Variants in ADCY1 observed in about 807,000 individuals in gnomAD.
ADCY1 encodes the protein adenylate cyclase type 1.
A neutral mutation model predicts 105.4 loss-of-function variants in ADCY1; 28 were observed. The ratio of observed to expected loss-of-function variants is 0.27; its 90% CI spans 0.20 to 0.36. The LOEUF is 0.36. Ranked by LOEUF, ADCY1 falls within the 10% of genes least tolerant of loss-of-function variation. The pLI is 1.00. For missense variants in ADCY1, 977 were observed against 1,434.2 expected (o/e 0.68, Z 5.15); for synonymous variants, 655 against 623.8 (o/e 1.05, Z -0.75).
intron 6 of ADCY1, among the ~76,000 whole-genome samples, chr7:45,658,634 G>A (rs1302402328): frequency 6.6e-6 from 1 of 152,200 alleles, no homozygotes; most frequent in Non-Finnish European, 1.5e-5. Flanking sequence ...TCCTCTCCCC[G>A]TTGGCTCCCA....
rs1035222672 is a variant in ADCY1, at chr7:45,657,944, G to T, written c.1307+59G>T. 5.6e-5 allele frequency: 85 copies of T among 1,531,212 alleles called. No homozygotes were observed. In the African/African-American group the frequency reaches 9.4e-4, roughly 17 times the overall value. The allele number at this position is 1,531,212 out of a possible 1,614,324, so 94.9% of individuals were successfully genotyped here. A position where few individuals can be genotyped will look rare whatever the true frequency, so the allele number is the denominator to read the frequency against. The stretch of plus-strand genomic sequence containing the variant: ...GTGGGTGATGGCTGTGCACCCCTGG[G>T]CTAAATCCTTGCTTCAGGTTCTGGG... On this transcript the variant is annotated intron_variant, in intron 6 of 19. Coordinates refer to ENST00000297323, the MANE Select transcript of ADCY1 (RefSeq NM_021116.4).
chr7:45,610,463 C>T lies in ADCY1; in HGVS notation c.874C>T (p.His292Tyr), dbSNP rs1793503165. ...DFLKPPERIF[H>Y]KIYIQRHDNV... ...CCTGAAGCCCCCTGAGAGGATTTTC[C>T]ACAAGATTTACATCCAGAGGCACGA... Residue 292 changes from histidine (H) to tyrosine (Y), a missense_variant, in exon 3 of 20, where the codon CAC becomes TAC. By Grantham distance (83) the His-to-Tyr change is moderately conservative (BLOSUM62 2). Coordinates refer to ENST00000297323, the MANE Select transcript of ADCY1 (RefSeq NM_021116.4). 6.2e-7 allele frequency: 1 copy of T among 1,613,862 alleles called. No homozygotes were observed. The highest frequency in any genetic ancestry group is 8.5e-7 in the Non-Finnish European group (1 of 1,179,984).
chr7:45,656,201 A>G (rs1584308306), intron 5 of ADCY1, among the ~76,000 whole-genome samples: 2 of 151,966 alleles, frequency 1.3e-5, no homozygotes, highest in East Asian at 1.9e-4. Context: ...TACTCGGGAG[A>G]CTGAGGCAGG....
chr7:45,685,937 G>T, intron 12 of ADCY1, 25 bp from the exon 13 acceptor site: 1 of 1,600,142 alleles, frequency 6.2e-7, no homozygotes. Flanking sequence ...CCTTTGCTAA[G>T]CCCCTGTGAC....
rs1234892716 is a variant in ADCY1, at chr7:45,592,813, C to A, written c.694C>A (p.Arg232=). ...TGTGAACATGTATGGGGTCTTTGTG[C>A]GGATTCTGACTGAGCGTTCACAGAG... The part of the protein sequence containing the change: ...VGVNMYGVFV[R]ILTERSQRKA... Residue 232 remains arginine (R), a synonymous_variant, in exon 2 of 20, where the codon CGG becomes AGG. Transcript: ENST00000297323. 1 of 1,614,184 alleles carries A rather than the reference C, an allele frequency of 6.2e-7. No homozygotes were observed. Among genetic ancestry groups the A allele is most frequent in the Non-Finnish European group, 8.5e-7 (1 of 1,180,032 alleles).
Position 45,598,547 on chromosome 7 carries a change from T to C in ADCY1, c.789+5639T>C, listed in dbSNP as rs1308206880. 2.6e-5 allele frequency among the ~76,000 whole-genome samples: 4 copies of C among 152,100 alleles called. No homozygotes were observed. In the East Asian group the frequency reaches 7.7e-4, roughly 29 times the overall value. On this transcript the variant is annotated intron_variant, in intron 2 of 19. Coordinates refer to ENST00000297323, the MANE Select transcript of ADCY1 (RefSeq NM_021116.4). The stretch of plus-strand genomic sequence containing the variant: ...TAAAGCAGGGATTAAAAATAGATAA[T>C]AGGGAAATGCTGAGAATAATTTTAT...
At position 45,575,023 on chromosome 7, in the gene ADCY1, A is replaced by G. The variant is rs892583301; in HGVS notation, c.480A>G (p.Glu160=). The G allele has an allele frequency of 1.9e-6, 3 of 1,612,146 alleles. No homozygotes were observed. The highest frequency in any genetic ancestry group is 2.5e-6 in the Non-Finnish European group (3 of 1,179,668). Reference sequence around the variant, plus strand: ...CCGCTGGGGGGCCAGCGACCGCCGAACAAGGGGTTTGGCAGCTCCTTTTGG... The same window carrying G: ...CCGCTGGGGGGCCAGCGACCGCCGAGCAAGGGGTTTGGCAGCTCCTTTTGG... ...AGAAGGPATA[E]QGVWQLLLVT... is the part of the protein sequence containing the mutation. Residue 160 remains glutamate (E), a synonymous_variant, in exon 1 of 20, where the codon GAA becomes GAG. Transcript: ENST00000297323. This position sits in a 1 kb window ranked among gnomAD's most constrained non-coding sequence, Gnocchi z 4.7.
At chr7:45,670,486 C>G (rs1040445035) in intron 8 of ADCY1, among the ~76,000 whole-genome samples, 4 of 152,118 alleles carry the variant, frequency 2.6e-5, no homozygotes, top group Non-Finnish European at 4.4e-5. Context: ...GGATCCATGT[C>G]CATTAGCACC....
At chr7:45,623,941 A>T (rs1031792290) in intron 4 of ADCY1, among the ~76,000 whole-genome samples, 4 of 152,124 alleles carry the variant, frequency 2.6e-5, no homozygotes, top group Non-Finnish European at 5.9e-5. Flanking sequence ...GTACAGTGAG[A>T]TGGAGCCAAG....
chr7:45,610,956 G>A (rs113895044), intron 3 of ADCY1, among the ~76,000 whole-genome samples: 1 of 23,786 alleles, frequency 4.2e-5, no homozygotes, highest in Non-Finnish European at 9.0e-5. Flanking sequence ...GATAGTGGAG[G>A]TGTAGAGGTG....
At chr7:45,625,655 GGT>G (rs1794037878) in intron 4 of ADCY1, among the ~76,000 whole-genome samples, 1 of 152,106 alleles carries the variant, frequency 6.6e-6, no homozygotes, top group South Asian at 2.1e-4. Flanking sequence ...GCATGCATGT[GGT>G]ATATATATGA....
chr7:45,605,871 A>T (rs1436162784), intron 2 of ADCY1, among the ~76,000 whole-genome samples: 1 of 152,174 alleles, frequency 6.6e-6, no homozygotes, highest in Non-Finnish European at 1.5e-5. Flanking sequence ...AGTTCTTGGT[A>T]TGATGAGTGA....
At chr7:45,711,873 TA>T (rs1406351616) in intron 19 of ADCY1, among the ~76,000 whole-genome samples, 1 of 117,954 alleles carries the variant, frequency 8.5e-6, no homozygotes, top group Non-Finnish European at 1.6e-5. Context: ...TAATATATAT[TA>T]AATATATAAA....
chr7:45,682,538 G>A (rs370360088), intron 11 of ADCY1, among the ~76,000 whole-genome samples: 67 of 152,298 alleles, frequency 4.4e-4, no homozygotes, highest in African/African-American at 1.5e-3. Flanking sequence ...GGACCCTGGG[G>A]ATGTGGGCAC....
chr7:45,712,125 A>G (rs1175124468), intron 19 of ADCY1, among the ~76,000 whole-genome samples: 2 of 137,348 alleles, frequency 1.5e-5, no homozygotes, highest in Admixed American at 1.5e-4. Context: ...ATAAATTTTT[A>G]TATTTAAAAT....
At chr7:45,663,177 A>G (rs933939685) in intron 8 of ADCY1, among the ~76,000 whole-genome samples, 224 of 152,210 alleles carry the variant, frequency 1.5e-3, no homozygotes, top group Admixed American at 2.2e-3. Flanking sequence ...GCCTGTTACC[A>G]CTTTCTTCTC....
chr7:45,697,622 T>G (rs1340736646), intron 14 of ADCY1, among the ~76,000 whole-genome samples: 1 of 152,176 alleles, frequency 6.6e-6, no homozygotes, highest in Non-Finnish European at 1.5e-5. Flanking sequence ...ATTCCTGACC[T>G]TAGATGATCT....
At chr7:45,664,601 T>G in intron 8 of ADCY1, 3 of 1,045,946 alleles carry the variant, frequency 2.9e-6, no homozygotes, top group Non-Finnish European at 2.6e-6. Context: ...AAAGCTATCA[T>G]GAACATTTTG....
At chr7:45,624,868 G>A (rs1794007375) in intron 4 of ADCY1, among the ~76,000 whole-genome samples, 1 of 152,146 alleles carries the variant, frequency 6.6e-6, no homozygotes, top group South Asian at 2.1e-4. Context: ...GCTGATGCTG[G>A]GCCCTCCACT....
Sources: allele counts gnomAD v4.1 joint callset (sites outside exome capture counted in the v4.1 genomes callset), GRCh38; gene constraint gnomAD v4.1.1; non-coding constraint Gnocchi (gnomAD v3.1); transcripts MANE v1.5; gene names NCBI Gene and HGNC (gene_info 2026-07-23, HGNC 2026-07-21).